ATP13A4: variants seen among roughly 807,000 people sequenced by gnomAD.
ATP13A4 encodes probable cation-transporting ATPase 13A4.
In ATP13A4, 114 loss-of-function variants were observed where a neutral mutation model predicts 142.5. That is an observed-to-expected ratio of 0.80 (90% CI 0.69 to 0.93). The LOEUF (loss-of-function observed/expected upper bound fraction) is 0.93, where lower values mean the gene tolerates loss of function less well. Ranked by LOEUF, ATP13A4 falls within the 40% of genes least tolerant of loss-of-function variation. The pLI is 0.00. For synonymous variants in ATP13A4, 488 were observed against 514.8 expected (o/e 0.95, Z 0.70); for missense variants, 1,392 against 1,454.0 (o/e 0.96, Z 0.69).
chr3:193,458,597 C>A, intron 14 of ATP13A4: 1 of 174,514 alleles, frequency 5.7e-6, no homozygotes, highest in Non-Finnish European at 1.2e-5. Flanking sequence ...AGTGGTTTTC[C>A]TTTTTGTTCT....
At chr3:193,461,722 G>A (rs1271837511) in intron 13 of ATP13A4, among the ~76,000 whole-genome samples, 1 of 152,150 alleles carries the variant, frequency 6.6e-6, no homozygotes, top group Non-Finnish European at 1.5e-5. Flanking sequence ...AAGTGTTAGA[G>A]GAAAAAACTT....
Position 193,424,727 on chromosome 3 carries a change from A to C in ATP13A4, c.2842+9118T>G, listed in dbSNP as rs35470048. ...CTCGAAACTATAAAACTGCTAAACAAAAACATATGAAAAATGTTTCATGGT... is the reference window on the plus strand; with the variant it reads ...CTCGAAACTATAAAACTGCTAAACACAAACATATGAAAAATGTTTCATGGT... On this transcript the variant is annotated intron_variant, in intron 25 of 29. Transcript: ENST00000342695. Among the ~76,000 whole-genome samples the C allele has an allele frequency of 1.3e-5, 2 of 149,410 alleles. 1 individual carries two copies. The highest frequency in any genetic ancestry group is 1.4e-4 in the Admixed American group (2 of 14,352).
Position 193,476,334 on chromosome 3 carries a change from CT to C in ATP13A4, c.809-5342del, listed in dbSNP as rs201959922. Among the ~76,000 whole-genome samples, 961 of 152,102 alleles carry C rather than the reference CT, an allele frequency of 6.3e-3. 25 individuals are homozygous for C. Among genetic ancestry groups the C allele is most frequent in the African/African-American group, 0.022 (891 of 41,418 alleles). ...TAAGCCAAACTCTGCTAGCTTCAGACTTTTCTTCTGTAGTTTTCTTACCTCT... is the reference window on the plus strand; with the variant it reads ...TAAGCCAAACTCTGCTAGCTTCAGACTTTCTTCTGTAGTTTTCTTACCTCT... On this transcript the variant is annotated intron_variant, in intron 8 of 29. Transcript: ENST00000342695.
chr3:193,592,093 A>C (rs1344523790), intron 1 of ATP13A4, among the ~76,000 whole-genome samples: 1 of 130,896 alleles, frequency 7.6e-6, no homozygotes, highest in African/African-American at 2.9e-5. Flanking sequence ...TTAAGGGAAA[A>C]GGAATTGTCT....
In ATP13A4 at chr3:193,457,386, G is replaced by A. The variant is rs777001659; in HGVS notation, c.1754C>T (p.Ala585Val). 6.2e-7 allele frequency: 1 copy of A among 1,614,064 alleles called. No individual in the cohort carries two copies. The highest frequency in any genetic ancestry group is 1.3e-5 in the African/African-American group (1 of 74,950). ...AGAGCAAGCAGGGCTTACCTGGCTG[G>A]CTGTTCTGCAGGGCTTAACTACCAT... ...HAMVVKPCRTASQVPVEGIAI... is the reference protein window; with the variant it reads ...HAMVVKPCRTVSQVPVEGIAI... The change falls in exon 15 of 30, where the codon GCC becomes GTC. Residue 585 changes from alanine to valine, a missense_variant. Transcript: ENST00000342695.
chr3:193,548,690 C>T (rs921158515), intron 1 of ATP13A4, among the ~76,000 whole-genome samples: 2 of 152,082 alleles, frequency 1.3e-5, no homozygotes, highest in African/African-American at 4.8e-5. Context: ...GAAGAAAAGA[C>T]GAACATCAGC....
chr3:193,504,165 A>T (rs1007323627), intron 2 of ATP13A4, among the ~76,000 whole-genome samples: 2 of 151,888 alleles, frequency 1.3e-5, no homozygotes, highest in South Asian at 2.1e-4. Context: ...TGTGGATTTA[A>T]AAAAAAAGGT....
chr3:193,412,045 T>G, intron 27 of ATP13A4, 133 bp downstream of exon 27: 1 of 785,990 alleles, frequency 1.3e-6, no homozygotes. Flanking sequence ...CGATGTGTTT[T>G]GCAGAGTCCT....
chr3:193,433,906 G>C lies in ATP13A4; in HGVS notation c.2781C>G (p.Ser927Arg), dbSNP rs1191833698. The C allele has an allele frequency of 2.5e-6, 4 of 1,613,222 alleles. No homozygotes were observed. The highest frequency in any genetic ancestry group is 2.5e-6 in the Non-Finnish European group (3 of 1,179,340). Residue 927 changes from serine to arginine, a missense_variant, in exon 25 of 30, where the codon AGC (serine) becomes AGG (arginine). Transcript: ENST00000342695. ...GGAACAGAAACTGGTAATTTGAAAGGCTGTTTGTCTCCTGAAAATAAAAAG... is the reference window on the plus strand; with the variant it reads ...GGAACAGAAACTGGTAATTTGAAAGCCTGTTTGTCTCCTGAAAATAAAAAG... ...GVLLLYWETN[S>R]LSNYQFLFQD...
At chr3:193,555,494 G>C (rs573550076), upstream of ATP13A4, among the ~76,000 whole-genome samples, 1 of 152,138 alleles carries the variant, frequency 6.6e-6, no homozygotes, top group Non-Finnish European at 1.5e-5. Context: ...AAGAACAAAG[G>C]TATCATCAAA....
chr3:193,409,612 T>G, intron 28 of ATP13A4, among the ~76,000 whole-genome samples: 1 of 152,380 alleles, frequency 6.6e-6, no homozygotes, highest in South Asian at 2.1e-4. Context: ...AGCCTACTTA[T>G]TTCCATGAAT....
At chr3:193,545,788 G>A (rs772924079) in intron 1 of ATP13A4, among the ~76,000 whole-genome samples, 12 of 151,710 alleles carry the variant, frequency 7.9e-5, no homozygotes, top group Non-Finnish European at 1.8e-4. Flanking sequence ...TCCTTATTTC[G>A]TTATTTATGA....
chr3:193,427,421 T>A (rs999906152), intron 25 of ATP13A4, among the ~76,000 whole-genome samples: 5 of 152,162 alleles, frequency 3.3e-5, no homozygotes, highest in Non-Finnish European at 7.3e-5. Flanking sequence ...AAGCTACCAA[T>A]GACTTTCTTC....
chr3:193,506,390 T>C (rs987949918), intron 2 of ATP13A4, among the ~76,000 whole-genome samples: 27 of 152,300 alleles, frequency 1.8e-4, no homozygotes, highest in African/African-American at 6.5e-4. Flanking sequence ...GATCAGTCCT[T>C]GAACTCTAAA....
intron 8 of ATP13A4, among the ~76,000 whole-genome samples, chr3:193,474,130 C>G (rs186569546): frequency 1.6e-4 from 24 of 151,762 alleles, no homozygotes; most frequent in Admixed American, 3.9e-4. Flanking sequence ...CCATCCTGGT[C>G]AACATGATGA....
intron 17 of ATP13A4, among the ~76,000 whole-genome samples, chr3:193,448,830 A>C (rs1418471746): frequency 6.6e-6 from 1 of 152,224 alleles, no homozygotes; most frequent in Non-Finnish European, 1.5e-5. Flanking sequence ...GAGAGTGTTC[A>C]TTAAGCAAAA....
intron 2 of ATP13A4, among the ~76,000 whole-genome samples, chr3:193,566,062 G>C (rs1257747935): frequency 6.6e-6 from 1 of 152,118 alleles, no homozygotes; most frequent in African/African-American, 2.4e-5. Flanking sequence ...ATAGAATGCA[G>C]TGCCCAAGTC....
intron 1 of ATP13A4, among the ~76,000 whole-genome samples, chr3:193,532,275 T>C (rs1722375460): frequency 6.6e-6 from 1 of 151,738 alleles, no homozygotes; most frequent in Non-Finnish European, 1.5e-5. Context: ...GTAAAGTGCT[T>C]ACATAATGCC....
At position 193,516,650 on chromosome 3, in the gene ATP13A4, C is replaced by T. The variant is rs750315353; in HGVS notation, c.61-1779G>A. ...TTGGCATAGATCAATTTGTACCTTC[C>T]GACTCAGCCATTTTTTCATCTTTTT... On this transcript the variant is annotated intron_variant, in intron 1 of 29. Coordinates refer to ENST00000342695, the MANE Select transcript of ATP13A4 (RefSeq NM_032279.4). 9.2e-5 allele frequency among the ~76,000 whole-genome samples: 14 copies of T among 152,062 alleles called. 1 individual carries two copies. Among genetic ancestry groups the T allele is most frequent in the South Asian group, 6.2e-4 (3 of 4,814 alleles).
Sources: gnomAD v4.1 joint callset for allele counts (sites outside exome capture counted in the v4.1 genomes callset) on GRCh38, gnomAD v4.1.1 for gene constraint, MANE v1.5 for transcripts, NCBI Gene and HGNC (gene_info 2026-07-23, HGNC 2026-07-21) for gene names.